INPP4A: variants seen among roughly 807,000 people sequenced by gnomAD.
INPP4A encodes the protein inositol polyphosphate-4-phosphatase, type I, 107kD.
Under a neutral mutation model 119.8 loss-of-function variants are expected in INPP4A, and 33 were observed. The observed-to-expected ratio is 0.28, with a 90% CI of 0.21 to 0.37. The LOEUF is 0.37. INPP4A is among the 10% of genes least tolerant of loss of function. The pLI, the probability that INPP4A is intolerant of heterozygous loss-of-function variation, is 1.00. For synonymous variants in INPP4A, 496 were observed against 500.7 expected (o/e 0.99, Z 0.12); for missense variants, 956 against 1,289.9 (o/e 0.74, Z 3.97).
intron 1 of INPP4A, among the ~76,000 whole-genome samples, chr2:98,472,555 G>T (rs1378462507): frequency 6.6e-6 from 1 of 152,242 alleles, no homozygotes; most frequent in Non-Finnish European, 1.5e-5. Flanking sequence ...CTGTCATGCA[G>T]CTGTTCTTCA....
intron 1 of INPP4A, among the ~76,000 whole-genome samples, chr2:98,477,679 C>G (rs961740552): frequency 1.3e-5 from 2 of 152,250 alleles, no homozygotes; most frequent in African/African-American, 4.8e-5. Context: ...CCGTTAGTGA[C>G]TATCCTTGTT....
intron 1 of INPP4A, among the ~76,000 whole-genome samples, chr2:98,457,370 C>G (rs1407325170): frequency 6.6e-6 from 1 of 152,136 alleles, no homozygotes; most frequent in Non-Finnish European, 1.5e-5. Context: ...CCAGCCTGGT[C>G]GGTATAGTGA....
At position 98,452,655 on chromosome 2, in the gene INPP4A, C is replaced by T. The variant is rs767902905; in HGVS notation, c.-166+7570C>T. 4.6e-5 allele frequency among the ~76,000 whole-genome samples: 7 copies of T among 152,296 alleles called. No individual in the cohort carries two copies. In the East Asian group the frequency reaches 9.7e-4, roughly 21 times the overall value. ...CGGAGTCCTTCCCCTGCCCCCCATT[C>T]GCCAGCTTGTCCACCCATATAAGTT... On this transcript the variant is annotated intron_variant, in intron 1 of 24. Transcript: ENST00000409851.
At chr2:98,465,219 C>T (rs1469050129) in intron 1 of INPP4A, among the ~76,000 whole-genome samples, 1 of 152,202 alleles carries the variant, frequency 6.6e-6, no homozygotes, top group Non-Finnish European at 1.5e-5. Context: ...CATGTTCCCT[C>T]CAGTAGCTTA....
intron 23 of INPP4A, among the ~76,000 whole-genome samples, chr2:98,575,276 G>A (rs1698226921): frequency 2.0e-5 from 3 of 152,186 alleles, no homozygotes; most frequent in African/African-American, 7.2e-5. Context: ...TGCCCTCTTG[G>A]GCAAGGATGC....
chr2:98,566,312 T>C lies in INPP4A; in HGVS notation c.2420+143T>C. Reference sequence around the variant, plus strand: ...TTGGCCAACATTTTCATCATGGCCGTGCACCTCACTGTCTTTGGTGCTAGG... The same window carrying C: ...TTGGCCAACATTTTCATCATGGCCGCGCACCTCACTGTCTTTGGTGCTAGG... On this transcript the variant is annotated intron_variant, in intron 21 of 24. Transcript: ENST00000409851. This position sits in a 1 kb window ranked among gnomAD's most constrained non-coding sequence, Gnocchi z 4.2. The C allele has an allele frequency of 1.1e-6, 1 of 914,628 alleles. No individual in the cohort carries two copies. The highest frequency in any genetic ancestry group is 1.6e-6 in the Non-Finnish European group (1 of 633,202). 56.7% of individuals were successfully genotyped at this position (914,628 alleles called of 1,614,324 possible). A position where few individuals can be genotyped will look rare whatever the true frequency, so the allele number is the denominator to read the frequency against.
chr2:98,584,113 A>G (rs1413083209), intron 24 of INPP4A, among the ~76,000 whole-genome samples: 1 of 152,240 alleles, frequency 6.6e-6, no homozygotes, highest in African/African-American at 2.4e-5. Flanking sequence ...AAGCTGTGGC[A>G]GCATGACAAT....
At chr2:98,454,989 A>G (rs945167270) in intron 1 of INPP4A, among the ~76,000 whole-genome samples, 7 of 152,206 alleles carry the variant, frequency 4.6e-5, no homozygotes, top group African/African-American at 1.7e-4. Context: ...TCAAATGGCA[A>G]TACAGTGGTA....
At chr2:98,446,474 G>GGGGTGGCGTTGCATGTGAAC (rs1310859354) in intron 1 of INPP4A, among the ~76,000 whole-genome samples, 1 of 152,060 alleles carries the variant, frequency 6.6e-6, no homozygotes, top group African/African-American at 2.4e-5. Context: ...GTCTGTCCCA[G>GGGGTGGCGTTGCATGTGAAC]GGGTGGCGTT....
intron 1 of INPP4A, among the ~76,000 whole-genome samples, chr2:98,515,446 TG>T (rs1685925237): frequency 2.8e-5 from 1 of 35,622 alleles, no homozygotes; most frequent in Non-Finnish European, 5.5e-5. Flanking sequence ...AGGACGGGGG[TG>T]GGGTAGGACG....
Position 98,538,905 on chromosome 2 carries a change from C to T in INPP4A, c.594C>T (p.Val198=), listed in dbSNP as rs375325913. 42 of 1,605,108 alleles carry T rather than the reference C, an allele frequency of 2.6e-5. No homozygotes were observed. The highest frequency in any genetic ancestry group is 1.3e-4 in the African/African-American group (10 of 74,752). Residue 198 remains valine, a synonymous_variant, in exon 9 of 25, where the codon GTC becomes GTT. Transcript: ENST00000409851. ...DTVNGRMVLP[V]DESLTEALGI... ...TACATTATCAGATGGTTCTTCCTGT[C>T]GATGAGAGCTTGACGGAGGCGTTAG...
chr2:98,517,152 GTTTGGCCTGTGCTTGAAC>G (rs1686301522), intron 1 of INPP4A, among the ~76,000 whole-genome samples: 1 of 152,066 alleles, frequency 6.6e-6, no homozygotes, highest in African/African-American at 2.4e-5. Context: ...CCACAGATTC[GTTTGGCCTGTGCTTGAAC>G]TTCGTATGAA....
intron 1 of INPP4A, among the ~76,000 whole-genome samples, chr2:98,490,634 C>T (rs3769722): frequency 1.3e-5 from 2 of 152,286 alleles, no homozygotes; most frequent in East Asian, 1.9e-4. Context: ...TTATTGTTCT[C>T]GTGGAGATAC....
chr2:98,497,103 C>T (rs1007239936), intron 1 of INPP4A, among the ~76,000 whole-genome samples: 16 of 152,302 alleles, frequency 1.1e-4, no homozygotes, highest in African/African-American at 3.6e-4. Flanking sequence ...CCGCTCTAGC[C>T]GTGGCTGAAA....
intron 1 of INPP4A, among the ~76,000 whole-genome samples, chr2:98,448,353 C>CAAAA (rs571844955): frequency 7.0e-5 from 7 of 99,742 alleles, no homozygotes; most frequent in Admixed American, 1.1e-4. Context: ...GAGACTGTCT[C>CAAAA]AAAAAAAAAA....
At chr2:98,456,902 A>C (rs888316437) in intron 1 of INPP4A, among the ~76,000 whole-genome samples, 2 of 152,196 alleles carry the variant, frequency 1.3e-5, no homozygotes, top group Non-Finnish European at 2.9e-5. Flanking sequence ...GTCTTTACCA[A>C]GCTAGATATT....
rs550102394 is a variant in INPP4A, at chr2:98,546,326, G to A, written c.1054+253G>A. Among the ~76,000 whole-genome samples the A allele has an allele frequency of 6.6e-6, 1 of 152,216 alleles. No individual in the cohort carries two copies. The highest frequency in any genetic ancestry group is 2.4e-5 in the African/African-American group (1 of 41,452). On this transcript the variant is annotated intron_variant, in intron 12 of 24. Transcript: ENST00000409851. The surrounding 1 kb of genome is among the most constrained non-coding windows in gnomAD (Gnocchi z 4.2). ...CCTGTCGGCCCTTCTTCCCAAGGAG[G>A]GATGCAAACGGGAGTTACAGGGTGG...
At chr2:98,489,538 A>T (rs556624847) in intron 1 of INPP4A, among the ~76,000 whole-genome samples, 9 of 152,262 alleles carry the variant, frequency 5.9e-5, no homozygotes, top group African/African-American at 2.2e-4. Flanking sequence ...GCTGTCATTT[A>T]CACACCGTCT....
intron 13 of INPP4A, among the ~76,000 whole-genome samples, chr2:98,548,168 G>A (rs371223179): frequency 4.6e-5 from 7 of 152,280 alleles, no homozygotes; most frequent in East Asian, 3.9e-4. Flanking sequence ...TCACCATTCA[G>A]ATACGTGCAC....
Sources: allele counts gnomAD v4.1 joint callset (sites outside exome capture counted in the v4.1 genomes callset), GRCh38; gene constraint gnomAD v4.1.1; non-coding constraint Gnocchi (gnomAD v3.1); transcripts MANE v1.5; gene names NCBI Gene and HGNC (gene_info 2026-07-23, HGNC 2026-07-21).